NTN4: variants seen among roughly 807,000 people sequenced by gnomAD.
NTN4 encodes the protein netrin-4.
A neutral mutation model predicts 73.6 loss-of-function variants in NTN4; 32 were observed. The ratio of observed to expected loss-of-function variants is 0.44; its 90% CI spans 0.33 to 0.58. NTN4 has a LOEUF of 0.58. Ranked by LOEUF, NTN4 falls within the 20% of genes least tolerant of loss-of-function variation. The pLI is 0.04. For synonymous variants in NTN4, 258 were observed against 287.5 expected (o/e 0.90, Z 1.04); for missense variants, 654 against 798.3 (o/e 0.82, Z 2.18).
intron 2 of NTN4, among the ~76,000 whole-genome samples, chr12:95,757,565 G>A (rs772072879): frequency 9.2e-5 from 14 of 152,090 alleles, no homozygotes; most frequent in Non-Finnish European, 1.3e-4. Context: ...GTGGGGAGCA[G>A]GGGAAGAACA....
At chr12:95,678,591 T>C (rs1565881070) in intron 7 of NTN4, among the ~76,000 whole-genome samples, 1 of 152,040 alleles carries the variant, frequency 6.6e-6, no homozygotes. Flanking sequence ...TCAAACTATT[T>C]CCATCAAATT....
At chr12:95,682,643 G>T in intron 7 of NTN4, 64 bp downstream of exon 7, 1 of 1,100,182 alleles carries the variant, frequency 9.1e-7, no homozygotes, top group Non-Finnish European at 1.4e-6. Flanking sequence ...ACCCTGGTTT[G>T]TCACGTATCA....
intron 2 of NTN4, among the ~76,000 whole-genome samples, chr12:95,782,993 G>A (rs926264417): frequency 6.6e-6 from 1 of 152,150 alleles, no homozygotes; most frequent in Non-Finnish European, 1.5e-5. Context: ...GTATCCAGAG[G>A]TAATCTGAGA....
intron 4 of NTN4, among the ~76,000 whole-genome samples, chr12:95,712,663 G>A (rs575225861): frequency 6.4e-4 from 97 of 152,048 alleles, no homozygotes; most frequent in African/African-American, 2.1e-3. Context: ...GTTCAGTGGC[G>A]TGATCTCGGC....
At position 95,790,178 on chromosome 12, in the gene NTN4, C is replaced by A; in HGVS notation, c.55+77G>T. On this transcript the variant is annotated intron_variant, in intron 1 of 9. Transcript: ENST00000343702. This position sits in a 1 kb window ranked among gnomAD's most constrained non-coding sequence, Gnocchi z 6.5. Reference sequence around the variant, plus strand: ...GCTCTGCGCTCGCAGCCCTGGCTCCCCTGCACCCCCGAGTCCCGAGATGGG... The same window carrying A: ...GCTCTGCGCTCGCAGCCCTGGCTCCACTGCACCCCCGAGTCCCGAGATGGG... 1.5e-6 allele frequency: 2 copies of A among 1,338,730 alleles called. No homozygotes were observed. The highest frequency in any genetic ancestry group is 2.0e-6 in the Non-Finnish European group (2 of 982,284). 82.9% of individuals were successfully genotyped at this position (1,338,730 alleles called of 1,614,324 possible). A position where few individuals can be genotyped will look rare whatever the true frequency, so the allele number is the denominator to read the frequency against.
In NTN4 at chr12:95,666,112, AT is replaced by A. The variant is rs1184183129; in HGVS notation, c.1580-133del. On this transcript the variant is annotated intron_variant, in intron 8 of 9. Transcript: ENST00000343702. Reference sequence around the variant, plus strand: ...GAGGATGTGAAAATTTGCTTTAAAAATCATTAGGCATTAACTTGGATGGAGT... The same window carrying A: ...GAGGATGTGAAAATTTGCTTTAAAAACATTAGGCATTAACTTGGATGGAGT... 3 of 686,038 alleles carry A rather than the reference AT, an allele frequency of 4.4e-6. No homozygotes were observed. In the East Asian group the frequency reaches 8.6e-5, roughly 20 times the overall value. The allele number at this position is 686,038 out of a possible 1,614,324, so 42.5% of individuals were successfully genotyped here.
chr12:95,668,004 C>T (rs1440264094), intron 8 of NTN4, among the ~76,000 whole-genome samples: 1 of 152,064 alleles, frequency 6.6e-6, no homozygotes, highest in Non-Finnish European at 1.5e-5. Context: ...AGCATAGTGC[C>T]CGGCGTGTGG....
chr12:95,733,751 G>A (rs1243206522), intron 3 of NTN4, among the ~76,000 whole-genome samples: 1 of 152,002 alleles, frequency 6.6e-6, no homozygotes, highest in Non-Finnish European at 1.5e-5. Flanking sequence ...GGGAAACATG[G>A]GGGGAAGGTG....
intron 2 of NTN4, among the ~76,000 whole-genome samples, chr12:95,783,231 C>G (rs981002482): frequency 1.3e-5 from 2 of 152,120 alleles, no homozygotes; most frequent in Admixed American, 1.3e-4. Context: ...TCATTAGGGT[C>G]CTGAAAGATA....
At chr12:95,659,283 A>G in intron 9 of NTN4, 61 bp from the exon 10 acceptor site, 2 of 1,311,792 alleles carry the variant, frequency 1.5e-6, no homozygotes, top group African/African-American at 3.0e-5. Context: ...GAGAGATGTG[A>G]CTCCAGCAGG....
chr12:95,688,639 T>C (rs2121011131), intron 5 of NTN4, among the ~76,000 whole-genome samples: 1 of 152,182 alleles, frequency 6.6e-6, no homozygotes, highest in East Asian at 1.9e-4. Context: ...TTAGGAGGGC[T>C]AGATGAAACT....
At chr12:95,672,888 G>A in intron 7 of NTN4, 5 of 1,317,750 alleles carry the variant, frequency 3.8e-6, no homozygotes, top group Non-Finnish European at 5.5e-6. Flanking sequence ...GCATTGTCAA[G>A]CATCTGGAAG....
At chr12:95,673,890 C>G (rs1271249609) in intron 7 of NTN4, 2 of 152,212 alleles carry the variant, frequency 1.3e-5, no homozygotes, top group African/African-American at 2.4e-5. Context: ...ATTTCTGAAT[C>G]ATGTTCTAGT....
rs371156906 is a variant in NTN4 at position 95,733,157 on chromosome 12, G to A, written c.864+4709C>T. Among the ~76,000 whole-genome samples, 6 of 152,298 alleles carry A rather than the reference G, an allele frequency of 3.9e-5. No homozygotes were observed. The East Asian group carries it at 9.6e-4, about 24-fold the overall frequency. On this transcript the variant is annotated intron_variant, in intron 3 of 9. Transcript: ENST00000343702. ...GTGGATGATAATTGAATAAAATAAT[G>A]AAACATTCCATATTCCCTCTTATTA...
Position 95,735,905 on chromosome 12 carries a change from TTTTATTTATTTA to T in NTN4, c.864+1949_864+1960del, listed in dbSNP as rs201591613. ...TGCCTGCTCATGATTTTTTTTAAAT[TTTTATTTATTTA>T]TTTATTTATTTATTTATTTATTTAT... On this transcript the variant is annotated intron_variant, in intron 3 of 9. Coordinates refer to ENST00000343702, the MANE Select transcript of NTN4 (RefSeq NM_021229.4). Among the ~76,000 whole-genome samples, 223 of 101,658 alleles carry T rather than the reference TTTTATTTATTTA, an allele frequency of 2.2e-3. 1 individual carries two copies. The highest frequency in any genetic ancestry group is 7.5e-3 in the East Asian group (35 of 4,690). 66.7% of individuals were successfully genotyped at this position (101,658 alleles called of 152,430 possible).
chr12:95,670,952 T>TTATGTATGTATGTATGTATGTATG (rs10534793), intron 7 of NTN4: 3 of 148,824 alleles, frequency 2.0e-5, no homozygotes, highest in African/African-American at 7.5e-5. Flanking sequence ...ATAGTTTATT[T>TTATGTATGTATGTATGTATGTATG]TATGTATGTA....
intron 2 of NTN4, among the ~76,000 whole-genome samples, chr12:95,742,955 T>C (rs2078837052): frequency 6.6e-6 from 1 of 152,244 alleles, no homozygotes; most frequent in South Asian, 2.1e-4. Context: ...TTCCGCACTC[T>C]TGATGAGAAC....
intron 2 of NTN4, among the ~76,000 whole-genome samples, chr12:95,785,034 C>T (rs1388759574): frequency 1.3e-5 from 2 of 152,172 alleles, no homozygotes; most frequent in Non-Finnish European, 2.9e-5. Flanking sequence ...GTGATATTTG[C>T]TAAATGAGCA....
chr12:95,785,428 G>A (rs974053588), intron 2 of NTN4, among the ~76,000 whole-genome samples: 3 of 152,192 alleles, frequency 2.0e-5, no homozygotes, highest in Non-Finnish European at 2.9e-5. Context: ...ATCATGACAG[G>A]TTGCAAATGG....
Sources: allele counts gnomAD v4.1 joint callset (sites outside exome capture counted in the v4.1 genomes callset), GRCh38; gene constraint gnomAD v4.1.1; non-coding constraint Gnocchi (gnomAD v3.1); transcripts MANE v1.5; gene names NCBI Gene and HGNC (gene_info 2026-07-23, HGNC 2026-07-21).